The following NUDT7 variants were observed in gnomAD, a reference collection of about 807,000 sequenced individuals.
NUDT7 encodes the protein nudix hydrolase 7, also known as peroxisomal coenzyme A diphosphatase NUDT7.
In NUDT7, 19 loss-of-function variants were observed where a neutral mutation model predicts 13.1. The observed-to-expected ratio is 1.45, with a 90% CI of 1.01 to 2.13. NUDT7 has a LOEUF of 2.13. NUDT7 is among the 30% of genes most tolerant of loss of function. NUDT7 has a pLI of 0.00. For synonymous variants in NUDT7, 132 were observed against 109.7 expected (o/e 1.20, Z -1.27); for missense variants, 360 against 291.7 (o/e 1.23, Z -1.71).
intron 1 of NUDT7, among the ~76,000 whole-genome samples, chr16:77,723,693 G>A (rs1057252711): frequency 2.0e-5 from 3 of 149,534 alleles, no homozygotes; most frequent in East Asian, 2.0e-4. Context: ...CTGGGTTCAA[G>A]CGATTCTCCT....
intron 2 of NUDT7, among the ~76,000 whole-genome samples, chr16:77,730,285 C>A (rs182612924): frequency 6.6e-6 from 1 of 152,144 alleles, no homozygotes; most frequent in African/African-American, 2.4e-5. Context: ...AACCTCCCCC[C>A]AAACCACCTC....
At chr16:77,737,687 G>A (rs1363480978) in intron 3 of NUDT7, among the ~76,000 whole-genome samples, 3 of 151,994 alleles carry the variant, frequency 2.0e-5, no homozygotes, top group East Asian at 1.9e-4. Context: ...GGGTTTCACC[G>A]TGTTAGTCAG....
Position 77,723,808 on chromosome 16 carries a change from T to G in NUDT7, c.35+1191T>G, listed in dbSNP as rs1406989387. 2.6e-5 allele frequency among the ~76,000 whole-genome samples: 4 copies of G among 151,998 alleles called. No homozygotes were observed. The South Asian group carries it at 6.2e-4, about 24-fold the overall frequency. On this transcript the variant is annotated intron_variant, in intron 1 of 3. Transcript: ENST00000268533. ...GGTTTTACCATGTTGGCCAGGCTGGTCTCGAACTCCTGACTTCAAGTGATT... is the reference window on the plus strand; with the variant it reads ...GGTTTTACCATGTTGGCCAGGCTGGGCTCGAACTCCTGACTTCAAGTGATT...
intron 1 of NUDT7, among the ~76,000 whole-genome samples, chr16:77,723,369 C>T (rs1179801198): frequency 6.6e-6 from 1 of 152,104 alleles, no homozygotes; most frequent in Non-Finnish European, 1.5e-5. Context: ...TACCCAACCA[C>T]ATCTGGTGAG....
intron 2 of NUDT7, among the ~76,000 whole-genome samples, chr16:77,732,387 A>G (rs4888666): frequency 0.51 from 77,534 of 151,838 alleles, 21,694 homozygotes; most frequent in African/African-American, 0.72. Flanking sequence ...AGTGTCTAGT[A>G]TTTATGAAGT....
chr16:77,738,466 T>C (rs1409656077), intron 3 of NUDT7, among the ~76,000 whole-genome samples: 1 of 152,220 alleles, frequency 6.6e-6, no homozygotes, highest in African/African-American at 2.4e-5. Context: ...CTGCTAATTT[T>C]TAAAATGTAT....
In NUDT7 at chr16:77,741,574, G is replaced by T. The variant is rs576316152; in HGVS notation, c.349-8G>T. ...TCTTAATTTGTCTGTTTTGTTTTCTGCTTTTAGACAGATACATTGATAACT... is the reference window on the plus strand; with the variant it reads ...TCTTAATTTGTCTGTTTTGTTTTCTTCTTTTAGACAGATACATTGATAACT... On this transcript the variant is annotated splice_region_variant and splice_polypyrimidine_tract_variant and intron_variant, in intron 3 of 3. Transcript: ENST00000268533. 1.9e-6 allele frequency: 3 copies of T among 1,590,238 alleles called. No homozygotes were observed. Among genetic ancestry groups the T allele is most frequent in the East Asian group, 2.2e-5 (1 of 44,686 alleles).
chr16:77,736,645 T>A (rs1331810031), intron 3 of NUDT7: 4 of 247,852 alleles, frequency 1.6e-5, no homozygotes, highest in South Asian at 7.9e-5. Context: ...TTTTTTTTTT[T>A]ATAGAGATGG....
intron 1 of NUDT7, among the ~76,000 whole-genome samples, chr16:77,724,288 G>T (rs1367417258): frequency 6.6e-6 from 1 of 151,924 alleles, no homozygotes; most frequent in Non-Finnish European, 1.5e-5. Context: ...TTTGAGTCAG[G>T]TCTCACTCTG....
intron 2 of NUDT7, among the ~76,000 whole-genome samples, chr16:77,726,179 C>A (rs1042521168): frequency 6.6e-6 from 1 of 152,200 alleles, no homozygotes; most frequent in Non-Finnish European, 1.5e-5. Flanking sequence ...CAGGCTCTCT[C>A]CTTGCCAGCT....
Position 77,725,432 on chromosome 16 carries a change from A to G in NUDT7, c.37A>G (p.Asn13Asp). ...CTGTCTGGTTTGTTTTTATTTTAGAAACAGTTTGCTAGATGATGCTAAGGC... is the reference window on the plus strand; with the variant it reads ...CTGTCTGGTTTGTTTTTATTTTAGAGACAGTTTGCTAGATGATGCTAAGGC... ...RLGLPEEPVRNSLLDDAKARL... is the reference protein window; with the variant it reads ...RLGLPEEPVRDSLLDDAKARL... Residue 13 changes from asparagine (N) to aspartate (D), a missense_variant and splice_region_variant, in exon 2 of 4, where the codon AAC (asparagine) becomes GAC (aspartate). By Grantham distance (23) the Asn-to-Asp change is conservative. Coordinates refer to ENST00000268533, the MANE Select transcript of NUDT7 (RefSeq NM_001105663.3). 1 of 1,607,104 alleles carries G rather than the reference A, an allele frequency of 6.2e-7. No individual in the cohort carries two copies. Among genetic ancestry groups the G allele is most frequent in the Non-Finnish European group, 8.5e-7 (1 of 1,176,294 alleles).
chr16:77,742,232 C>A lies in NUDT7; in HGVS notation c.*282C>A. On this transcript the variant is annotated 3_prime_UTR_variant, in exon 4 of 4. Transcript: ENST00000268533. ...TAAAGAATATCTGGCACATACTAGG[C>A]CCTTAATAAAGATTTTTTGAATATA... 2 of 774,872 alleles carry A rather than the reference C, an allele frequency of 2.6e-6. No homozygotes were observed. The highest frequency in any genetic ancestry group is 1.6e-6 in the Non-Finnish European group (1 of 606,596). The allele number at this position is 774,872 out of a possible 1,614,324, so 48.0% of individuals were successfully genotyped here.
intron 2 of NUDT7, among the ~76,000 whole-genome samples, chr16:77,733,495 G>T (rs918120534): frequency 6.6e-6 from 1 of 152,154 alleles, no homozygotes; most frequent in South Asian, 2.1e-4. Context: ...ATCACCTTAG[G>T]GGTAAGGATT....
intron 3 of NUDT7, chr16:77,736,639 T>A (rs897595191): frequency 1.1e-4 from 27 of 242,622 alleles, no homozygotes; most frequent in Admixed American, 5.6e-4. Context: ...TTTTTATTTT[T>A]TTTTTTATAG....
At chr16:77,729,449 T>C (rs1209668305) in intron 2 of NUDT7, among the ~76,000 whole-genome samples, 2 of 152,044 alleles carry the variant, frequency 1.3e-5, no homozygotes, top group African/African-American at 2.4e-5. Context: ...CTATACATAT[T>C]ACCTCACATA....
chr16:77,732,527 T>C (rs998483095), intron 2 of NUDT7, among the ~76,000 whole-genome samples: 5 of 152,104 alleles, frequency 3.3e-5, no homozygotes, highest in African/African-American at 1.2e-4. Context: ...TGAACCATTT[T>C]TGATCTTTTA....
At chr16:77,729,340 T>C (rs1458234614) in intron 2 of NUDT7, among the ~76,000 whole-genome samples, 1 of 152,178 alleles carries the variant, frequency 6.6e-6, no homozygotes. Context: ...GTGGAATGAC[T>C]AAATCTAGCT....
At chr16:77,731,269 G>T in intron 2 of NUDT7, among the ~76,000 whole-genome samples, 1 of 152,088 alleles carries the variant, frequency 6.6e-6, no homozygotes, top group Admixed American at 6.5e-5. Flanking sequence ...AATAAAATTG[G>T]TATGCTATGA....
Position 77,722,604 on chromosome 16 carries a change from G to A in NUDT7, c.22G>A (p.Glu8Lys), listed in dbSNP as rs182579196. ...GGCAATGTCACGACTTGGTCTTCCC[G>A]AGGAGCCAGTCAGGTAAAGGCTTTC... MSRLGLP[E>K]EPVRNSLLDD... Residue 8 changes from glutamate (E) to lysine (K), a missense_variant, in exon 1 of 4, where the codon GAG becomes AAG. Glu to Lys is a moderately conservative substitution (Grantham distance 56). Transcript: ENST00000268533. The A allele has an allele frequency of 6.3e-6, 10 of 1,594,114 alleles. No homozygotes were observed. The East Asian group carries it at 1.4e-4, about 22-fold the overall frequency.
Sources: gnomAD v4.1 joint callset for allele counts (sites outside exome capture counted in the v4.1 genomes callset) on GRCh38, gnomAD v4.1.1 for gene constraint, MANE v1.5 for transcripts, NCBI Gene and HGNC (gene_info 2026-07-23, HGNC 2026-07-21) for gene names.